POLH: variants seen among roughly 807,000 people sequenced by gnomAD.
POLH encodes the protein DNA polymerase eta transcript.
Under a neutral mutation model 73.6 loss-of-function variants are expected in POLH, and 53 were observed. The observed-to-expected ratio is 0.72, with a 90% CI of 0.58 to 0.91. The LOEUF is 0.91. POLH is among the 40% of genes least tolerant of loss of function. POLH has a pLI of 0.00. For synonymous variants in POLH, 292 were observed against 308.5 expected (o/e 0.95, Z 0.56); for missense variants, 768 against 865.4 (o/e 0.89, Z 1.41).
intron 4 of POLH, among the ~76,000 whole-genome samples, chr6:43,595,152 G>GT (rs113844082): frequency 1.1e-3 from 167 of 146,598 alleles, no homozygotes; most frequent in African/African-American, 2.2e-3. Context: ...CAAAAGACAG[G>GT]TTTTTTTTTT....
At chr6:43,605,151 G>A (rs1391104334) in intron 8 of POLH, 103 bp from the exon 9 acceptor site, 3 of 745,990 alleles carry the variant, frequency 4.0e-6, no homozygotes, top group East Asian at 5.4e-5. Context: ...AGTCTTTGGT[G>A]CACAATTCTG....
Position 43,604,645 on chromosome 6 carries a change from T to G in POLH, c.915T>G (p.Ile305Met). 6.2e-7 allele frequency: 1 copy of G among 1,614,086 alleles called. No individual in the cohort carries two copies. Among genetic ancestry groups the G allele is most frequent in the Non-Finnish European group, 8.5e-7 (1 of 1,179,910 alleles). The change falls in exon 8 of 11, where the codon ATT becomes ATG. Residue 305 changes from isoleucine to methionine, a missense_variant. Coordinates refer to ENST00000372236, the MANE Select transcript of POLH (RefSeq NM_006502.3). ...GSWLYAMCRG[I>M]EHDPVKPRQL... ...GGCTATATGCCATGTGCCGAGGGAT[T>G]GAACATGATCCAGTTAAACCCAGGC... is the stretch of plus-strand genomic sequence containing the variant.
rs752228171 is a variant in POLH, at chr6:43,587,536, T to C, written c.490+47T>C. 4 of 1,326,100 alleles carry C rather than the reference T, an allele frequency of 3.0e-6. No individual in the cohort carries two copies. The South Asian group carries it at 3.5e-5, about 12-fold the overall frequency. 82.1% of individuals were successfully genotyped at this position (1,326,100 alleles called of 1,614,324 possible). A position where few individuals can be genotyped will look rare whatever the true frequency, so the allele number is the denominator to read the frequency against. On this transcript the variant is annotated intron_variant, in intron 4 of 10. Coordinates refer to ENST00000372236, the MANE Select transcript of POLH (RefSeq NM_006502.3). ...GCTTCTGCTTCCTGCCTTTGGAACC[T>C]GCTTTGCTTGGTCATGCTGATTCTC...
At chr6:43,577,594 C>A (rs1272979998) in intron 1 of POLH, among the ~76,000 whole-genome samples, 1 of 151,600 alleles carries the variant, frequency 6.6e-6, no homozygotes, top group South Asian at 2.1e-4. Context: ...CACCTTCCTG[C>A]TTTGCAGTTG....
Position 43,590,186 on chromosome 6 carries a change from G to A in POLH, c.490+2697G>A, listed in dbSNP as rs111250948. Among the ~76,000 whole-genome samples the A allele has an allele frequency of 4.0e-4, 61 of 151,662 alleles. 1 individual carries two copies. Among genetic ancestry groups the A allele is most frequent in the Middle Eastern group, 3.4e-3 (1 of 294 alleles). On this transcript the variant is annotated intron_variant, in intron 4 of 10. Coordinates refer to ENST00000372236, the MANE Select transcript of POLH (RefSeq NM_006502.3). ...AGCCTGGCCAAGATGGTGAAACTTCGTCTTTACCGAAAATACAAAAAAACT... is the reference window on the plus strand; with the variant it reads ...AGCCTGGCCAAGATGGTGAAACTTCATCTTTACCGAAAATACAAAAAAACT...
chr6:43,587,286 G>A lies in POLH; in HGVS notation c.287G>A (p.Ser96Asn), dbSNP rs1764931550. 1 of 1,613,788 alleles carries A rather than the reference G, an allele frequency of 6.2e-7. No homozygotes were observed. Among genetic ancestry groups the A allele is most frequent in the Admixed American group, 1.7e-5 (1 of 60,006 alleles). Residue 96 changes from serine (S) to asparagine (N), a missense_variant, in exon 4 of 11, where the codon AGT (serine) becomes AAT (asparagine). Coordinates refer to ENST00000372236, the MANE Select transcript of POLH (RefSeq NM_006502.3). ...ATACTTCTTAGGTACCGGGAAGCCA[G>A]TGTTGAAGTGATGGAGATAATGTCT... ...KANLTKYREA[S>N]VEVMEIMSRF...
At chr6:43,598,982 ATTTTTTTTTT>A (rs938691033) in intron 5 of POLH, among the ~76,000 whole-genome samples, 2 of 108,136 alleles carry the variant, frequency 1.8e-5, no homozygotes, top group African/African-American at 7.4e-5. Flanking sequence ...CACTTGCTGA[ATTTTTTTTTT>A]TTTTTTTTTT....
rs75277317 is a variant in POLH at position 43,605,259 on chromosome 6, A to G, written c.1014A>G (p.Gln338=). 7.0e-6 allele frequency: 11 copies of G among 1,567,160 alleles called. No individual in the cohort carries two copies. The highest frequency in any genetic ancestry group is 5.0e-5 in the Admixed American group (3 of 59,896). Residue 338 remains glutamine, a synonymous_variant, in exon 9 of 11, where the codon CAA becomes CAG. Coordinates refer to ENST00000372236, the MANE Select transcript of POLH (RefSeq NM_006502.3). ...AAGTCTCAATACTTTTTTAGGTACA[A>G]TGGTGGCTGTTGCAATTAGCCCAGG... The part of the protein sequence containing the change: ...KTALATREQV[Q]WWLLQLAQEL...
intron 1 of POLH, among the ~76,000 whole-genome samples, chr6:43,576,921 G>A (rs762837553): frequency 1.4e-4 from 22 of 152,260 alleles, no homozygotes; most frequent in Non-Finnish European, 2.9e-4. Flanking sequence ...TTTGGGAGGC[G>A]GAGGCGGGCG....
At position 43,619,874 on chromosome 6, in the gene POLH, T is replaced by C. The variant is rs1020579988; in HGVS notation, c.*5317T>C. On this transcript the variant is annotated 3_prime_UTR_variant, in exon 11 of 11. Transcript: ENST00000372236. ...AACAGCCTGAGTGGTAGGGAAGCTA[T>C]CACTTTAATACTCTAGAGGCAGAAT... Among the ~76,000 whole-genome samples the C allele has an allele frequency of 1.3e-5, 2 of 152,190 alleles. No homozygotes were observed. Among genetic ancestry groups the C allele is most frequent in the African/African-American group, 4.8e-5 (2 of 41,444 alleles).
intron 9 of POLH, 129 bp downstream of exon 9, chr6:43,605,448 T>C (rs1447382725): frequency 8.6e-5 from 45 of 525,022 alleles, no homozygotes; most frequent in African/African-American, 5.9e-4. Flanking sequence ...TCTTTCTTTT[T>C]TTTTTTTTTT....
intron 2 of POLH, among the ~76,000 whole-genome samples, 166 bp from the exon 3 acceptor site, chr6:43,582,841 C>T (rs1764436678): frequency 6.6e-6 from 1 of 152,166 alleles, no homozygotes; most frequent in African/African-American, 2.4e-5. Flanking sequence ...GCTGCTGTGC[C>T]TGGCCCTATT....
intron 4 of POLH, among the ~76,000 whole-genome samples, chr6:43,593,878 C>CAAAAAAAA (rs768129925): frequency 3.2e-4 from 27 of 84,726 alleles, no homozygotes; most frequent in East Asian, 5.7e-4. Context: ...GACTCCGTCT[C>CAAAAAAAA]AAAAAAAAAA....
At position 43,616,846 on chromosome 6, in the gene POLH, T is replaced by A. The variant is rs1282502713; in HGVS notation, c.*2289T>A. Among the ~76,000 whole-genome samples, 4 of 152,248 alleles carry A rather than the reference T, an allele frequency of 2.6e-5. No homozygotes were observed. The highest frequency in any genetic ancestry group is 5.9e-5 in the Non-Finnish European group (4 of 68,046). On this transcript the variant is annotated 3_prime_UTR_variant, in exon 11 of 11. Coordinates refer to ENST00000372236, the MANE Select transcript of POLH (RefSeq NM_006502.3). ...TCTTGCGTTTTGTTCTAATGTAGAA[T>A]TAGATTGCTACTTGACTAGTTCAGG...
At position 43,618,950 on chromosome 6, in the gene POLH, T is replaced by G. The variant is rs1768525695; in HGVS notation, c.*4393T>G. On this transcript the variant is annotated 3_prime_UTR_variant, in exon 11 of 11. Coordinates refer to ENST00000372236, the MANE Select transcript of POLH (RefSeq NM_006502.3). ...CAGCCCCAACTTCTACTTTTTATTTTATTTATAAATTGGGGGGGGGGTTCT... is the reference window on the plus strand; with the variant it reads ...CAGCCCCAACTTCTACTTTTTATTTGATTTATAAATTGGGGGGGGGGTTCT... 7.1e-6 allele frequency among the ~76,000 whole-genome samples: 1 copy of G among 141,726 alleles called. No homozygotes were observed. The highest frequency in any genetic ancestry group is 2.6e-4 in the South Asian group (1 of 3,900). 93.0% of individuals were successfully genotyped at this position (141,726 alleles called of 152,430 possible).
intron 4 of POLH, among the ~76,000 whole-genome samples, chr6:43,592,450 C>T (rs375722232): frequency 2.8e-5 from 4 of 140,702 alleles, no homozygotes; most frequent in African/African-American, 1.1e-4. Flanking sequence ...CTCGCTCTGT[C>T]GCCCAGGCTG....
chr6:43,611,968 A>G (rs1767935482), intron 10 of POLH, among the ~76,000 whole-genome samples: 1 of 152,056 alleles, frequency 6.6e-6, no homozygotes, highest in African/African-American at 2.4e-5. Flanking sequence ...AGGCAGGAGA[A>G]TTGCTTGAAC....
chr6:43,601,328 C>T (rs187998028), intron 6 of POLH, among the ~76,000 whole-genome samples: 3 of 152,160 alleles, frequency 2.0e-5, no homozygotes, highest in East Asian at 1.9e-4. Context: ...TGCAATGGCA[C>T]GGTGTCAGCT....
chr6:43,580,117 G>A (rs1311430234), intron 1 of POLH, among the ~76,000 whole-genome samples: 2 of 149,294 alleles, frequency 1.3e-5, no homozygotes, highest in Admixed American at 6.6e-5. Flanking sequence ...GACTCTTAAC[G>A]AGCATGCTGC....
Sources: gnomAD v4.1 joint callset for allele counts (sites outside exome capture counted in the v4.1 genomes callset) on GRCh38, gnomAD v4.1.1 for gene constraint, MANE v1.5 for transcripts, NCBI Gene and HGNC (gene_info 2026-07-23, HGNC 2026-07-21) for gene names.